CNTN2: variants seen among roughly 807,000 people sequenced by gnomAD.
CNTN2 encodes the protein contactin 2, also known as contactin-2.
CNTN2 carries 53 observed loss-of-function variants against 117.5 expected under a neutral mutation model. The observed-to-expected ratio is 0.45, with a 90% CI of 0.36 to 0.57. The LOEUF (loss-of-function observed/expected upper bound fraction) is 0.57. CNTN2 is among the 20% of genes least tolerant of loss of function. The pLI is 0.00. For missense variants in CNTN2, 1,106 were observed against 1,404.3 expected, an observed-to-expected ratio of 0.79 and a Z score of 3.39; for synonymous variants, 530 against 561.7, an observed-to-expected ratio of 0.94 and a Z score of 0.80.
At chr1:205,066,110 T>C (rs1654276667) in intron 14 of CNTN2, 5 of 709,648 alleles carry the variant, frequency 7.0e-6, no homozygotes, top group Middle Eastern at 5.1e-4. Flanking sequence ...AAGTCAAAGT[T>C]TAAAAAATCC....
In CNTN2 at chr1:205,065,863, G is replaced by A. The variant is rs773819306; in HGVS notation, c.1770G>A (p.Gln590=). ...RHGGKYTCMA[Q]TVVDSASKEA... ...GGGGGAAGTACACGTGCATGGCCCAGACGGTGGTGGACAGCGCGTCCAAGG... is the reference window on the plus strand; with the variant it reads ...GGGGGAAGTACACGTGCATGGCCCAAACGGTGGTGGACAGCGCGTCCAAGG... Residue 590 remains glutamine, a synonymous_variant, in exon 14 of 23, where the codon CAG becomes CAA. Coordinates refer to ENST00000331830, the MANE Select transcript of CNTN2 (RefSeq NM_005076.5). This position sits in a 1 kb window ranked among gnomAD's most constrained non-coding sequence, Gnocchi z 4.1. 1 of 1,614,086 alleles carries A rather than the reference G, an allele frequency of 6.2e-7. No individual in the cohort carries two copies. The highest frequency in any genetic ancestry group is 8.5e-7 in the Non-Finnish European group (1 of 1,180,004).
intron 1 of CNTN2, among the ~76,000 whole-genome samples, chr1:205,045,659 G>A (rs2096440307): frequency 6.6e-6 from 1 of 151,992 alleles, no homozygotes; most frequent in Admixed American, 6.5e-5. Flanking sequence ...TTTTTGGAGG[G>A]ATTCCTAGGG....
chr1:205,073,232 T>C lies in CNTN2; in HGVS notation c.3009T>C (p.Asn1003=), dbSNP rs757390584. The stretch of plus-strand genomic sequence containing the variant: ...CTGCAGAAGTCCACATCGTGAGGAA[T>C]GGAGGTGCTGCTCCTCCCCTACCCT... The part of the protein sequence containing the change: ...GIPAEVHIVR[N]GGTSMMVENM... The change falls in exon 22 of 23, where the codon AAT becomes AAC. Residue 1003 remains asparagine (N), a synonymous_variant. Transcript: ENST00000331830. The surrounding 1 kb of genome is among the most constrained non-coding windows in gnomAD (Gnocchi z 6.3). 8.1e-6 allele frequency: 13 copies of C among 1,613,810 alleles called. No individual in the cohort carries two copies. The highest frequency in any genetic ancestry group is 5.0e-5 in the Admixed American group (3 of 60,010).
Position 205,073,743 on chromosome 1 carries a change from T to C in CNTN2, c.3101T>C (p.Leu1034Pro). 6.2e-7 allele frequency: 1 copy of C among 1,613,906 alleles called. No homozygotes were observed. Among genetic ancestry groups the C allele is most frequent in the Non-Finnish European group, 8.5e-7 (1 of 1,179,994 alleles). ...TCCCACTCCGTGGCGATGCTGATCC[T>C]CATAGGCTCCCTGGAGCTCTGATCC... ...VISHSVAMLI[L>P]IGSLEL The change falls in exon 23 of 23, where the codon CTC (leucine) becomes CCC (proline). Residue 1034 changes from leucine (L) to proline (P), a missense_variant. By Grantham distance (98) the Leu-to-Pro change is moderately conservative (BLOSUM62 -3). Coordinates refer to ENST00000331830, the MANE Select transcript of CNTN2 (RefSeq NM_005076.5). The surrounding 1 kb of genome is among the most constrained non-coding windows in gnomAD (Gnocchi z 6.3).
rs748124415 is a variant in CNTN2 at position 205,072,032 on chromosome 1, G to A, written c.2630G>A (p.Gly877Asp). Residue 877 changes from glycine (G) to aspartate (D), a missense_variant, in exon 20 of 23, where the codon GGC becomes GAC. Physicochemically the swap from Gly to Asp is moderately conservative, Grantham distance 94 (BLOSUM62 -1). Transcript: ENST00000331830. ...CTGGACACCAGTGCCCGAGTCAGCG[G>A]CCTGCATCCCAACACCAAGTACCAT... is the stretch of plus-strand genomic sequence containing the variant. ...AGLDTSARVSGLHPNTKYHVT... is the reference protein window; with the variant it reads ...AGLDTSARVSDLHPNTKYHVT... The A allele has an allele frequency of 1.2e-6, 2 of 1,614,040 alleles. No homozygotes were observed. Among genetic ancestry groups the A allele is most frequent in the South Asian group, 1.1e-5 (1 of 91,082 alleles).
intron 18 of CNTN2, 119 bp from the exon 19 acceptor site, chr1:205,070,307 G>A (rs770107864): frequency 7.1e-5 from 53 of 751,456 alleles, no homozygotes; most frequent in Admixed American, 1.6e-4. Flanking sequence ...GCTCCCACTC[G>A]GCCTTCATCC....
At position 205,058,881 on chromosome 1, in the gene CNTN2, G is replaced by T; in HGVS notation, c.488-203G>T. The T allele has an allele frequency of 1.5e-6, 1 of 671,774 alleles. No individual in the cohort carries two copies. The highest frequency in any genetic ancestry group is 2.5e-6 in the Non-Finnish European group (1 of 398,842). 41.6% of individuals were successfully genotyped at this position (671,774 alleles called of 1,614,324 possible). On this transcript the variant is annotated intron_variant, in intron 5 of 22. Transcript: ENST00000331830. This position sits in a 1 kb window ranked among gnomAD's most constrained non-coding sequence, Gnocchi z 4.3. ...CCTTCAAACTGGGTGGCCCCTGAGG[G>T]CTGCGATCCCTGGCAGACTTAGCGC...
At chr1:205,057,831 A>C in intron 2 of CNTN2, 90 bp from the exon 3 acceptor site, 5 of 1,467,846 alleles carry the variant, frequency 3.4e-6, no homozygotes, top group South Asian at 1.3e-5. Flanking sequence ...TCCCATCATC[A>C]GAGAAAGTTT....
intron 14 of CNTN2, 157 bp downstream of exon 14, chr1:205,066,066 A>G: frequency 3.4e-6 from 3 of 874,892 alleles, no homozygotes; most frequent in Non-Finnish European, 5.2e-6. Flanking sequence ...GTGGTTCTTC[A>G]CAGGTCCTAA....
chr1:205,059,526 C>T lies in CNTN2; in HGVS notation c.698-57C>T, dbSNP rs931213337. On this transcript the variant is annotated intron_variant, in intron 6 of 22. Transcript: ENST00000331830. The surrounding 1 kb of genome is among the most constrained non-coding windows in gnomAD (Gnocchi z 5.6). The stretch of plus-strand genomic sequence containing the variant: ...CTGAAAGGTGCTGAGATCCCATGCA[C>T]GGGAGCACCTGACCTGGAGTCATCT... 21 of 1,513,376 alleles carry T rather than the reference C, an allele frequency of 1.4e-5. No individual in the cohort carries two copies. Among genetic ancestry groups the T allele is most frequent in the Middle Eastern group, 3.4e-4 (2 of 5,876 alleles). 93.7% of individuals were successfully genotyped at this position (1,513,376 alleles called of 1,614,324 possible). A position where few individuals can be genotyped will look rare whatever the true frequency, so the allele number is the denominator to read the frequency against.
At chr1:205,063,133 G>C (rs1231401768) in intron 10 of CNTN2, 1 of 152,218 alleles carries the variant, frequency 6.6e-6, no homozygotes, top group Non-Finnish European at 1.5e-5. Flanking sequence ...CACCACATCA[G>C]GTTTTAGTGA....
Position 205,059,159 on chromosome 1 carries a change from C to T in CNTN2, c.563C>T (p.Thr188Ile). ...GACGGGCGTCACTTCGTGTCCCAGA[C>T]CACAGGGAACCTGTACATTGCCCGA... ...PTDGRHFVSQ[T>I]TGNLYIARTN... Residue 188 changes from threonine (T) to isoleucine (I), a missense_variant, in exon 6 of 23, where the codon ACC becomes ATC. Transcript: ENST00000331830. This position sits in a 1 kb window ranked among gnomAD's most constrained non-coding sequence, Gnocchi z 5.6. 5 of 1,614,204 alleles carry T rather than the reference C, an allele frequency of 3.1e-6. No individual in the cohort carries two copies. The highest frequency in any genetic ancestry group is 4.2e-6 in the Non-Finnish European group (5 of 1,180,034).
chr1:205,050,775 T>C (rs1452027722), intron 1 of CNTN2, among the ~76,000 whole-genome samples: 1 of 152,172 alleles, frequency 6.6e-6, no homozygotes, highest in African/African-American at 2.4e-5. Context: ...CCTGCCACCA[T>C]GCCCAGCAAA....
rs201673719 is a variant in CNTN2 at position 205,065,289 on chromosome 1, G to T, written c.1695+27G>T. 404 of 1,612,556 alleles carry T rather than the reference G, an allele frequency of 2.5e-4. 4 individuals carry two copies. Among genetic ancestry groups the T allele is most frequent in the Non-Finnish European group, 4.5e-5 (53 of 1,179,112 alleles). Reference sequence around the variant, plus strand: ...TGAGACCTAGGGCCAGAGCCCCATGGCTTCTCCCTCCTTCTAGAGAGACAG... The same window carrying T: ...TGAGACCTAGGGCCAGAGCCCCATGTCTTCTCCCTCCTTCTAGAGAGACAG... On this transcript the variant is annotated intron_variant, in intron 13 of 22. Transcript: ENST00000331830. The surrounding 1 kb of genome is among the most constrained non-coding windows in gnomAD (Gnocchi z 4.1).
Position 205,061,735 on chromosome 1 carries a change from T to G in CNTN2, c.974-130T>G. On this transcript the variant is annotated intron_variant, in intron 8 of 22. Coordinates refer to ENST00000331830, the MANE Select transcript of CNTN2 (RefSeq NM_005076.5). This position sits in a 1 kb window ranked among gnomAD's most constrained non-coding sequence, Gnocchi z 4.8. ...TTCCGGCCCCCTCCTCTTTGTCCTCTCCATCTCAGAATGCTCATGGCGCCC... is the reference window on the plus strand; with the variant it reads ...TTCCGGCCCCCTCCTCTTTGTCCTCGCCATCTCAGAATGCTCATGGCGCCC... 8.2e-7 allele frequency: 1 copy of G among 1,224,338 alleles called. No individual in the cohort carries two copies. The highest frequency in any genetic ancestry group is 1.6e-5 in the South Asian group (1 of 62,774). 75.8% of individuals were successfully genotyped at this position (1,224,338 alleles called of 1,614,324 possible).
chr1:205,072,443 G>A (rs1293391875), intron 20 of CNTN2, 40 bp from the exon 21 acceptor site: 1 of 1,566,304 alleles, frequency 6.4e-7, no homozygotes. Context: ...GGGTGCCAGG[G>A]AAACGTTTGG....
Position 205,061,140 on chromosome 1 carries a change from C to A in CNTN2, c.798-105C>A. 1 of 1,276,194 alleles carries A rather than the reference C, an allele frequency of 7.8e-7. No homozygotes were observed. The allele number at this position is 1,276,194 out of a possible 1,614,324, so 79.1% of individuals were successfully genotyped here. On this transcript the variant is annotated intron_variant, in intron 7 of 22. Coordinates refer to ENST00000331830, the MANE Select transcript of CNTN2 (RefSeq NM_005076.5). The surrounding 1 kb of genome is among the most constrained non-coding windows in gnomAD (Gnocchi z 4.8). Reference sequence around the variant, plus strand: ...CCTCTCTCCCTCTGTTCCTCCCAGGCCCAGCATCTCAGGAGGGCCTGAGAG... The same window carrying A: ...CCTCTCTCCCTCTGTTCCTCCCAGGACCAGCATCTCAGGAGGGCCTGAGAG...
At position 205,076,041 on chromosome 1, in the gene CNTN2, G is replaced by C. The variant is rs1443868619; in HGVS notation, c.*2276G>C. On this transcript the variant is annotated 3_prime_UTR_variant, in exon 23 of 23. Transcript: ENST00000331830. ...GCATAGGACCTAACCAGTGAAGCTA[G>C]AGGCTACAGCCACTAAACTTGCTTC... is the stretch of plus-strand genomic sequence containing the variant. 1 of 152,202 alleles carries C rather than the reference G, an allele frequency of 6.6e-6. No individual in the cohort carries two copies. Among genetic ancestry groups the C allele is most frequent in the Non-Finnish European group, 1.5e-5 (1 of 68,050 alleles). The allele number at this position is 152,202 out of a possible 1,614,324, so 9.4% of individuals were successfully genotyped here.
At chr1:205,062,319 A>G in intron 9 of CNTN2, 121 bp from the exon 10 acceptor site, 3 of 1,348,960 alleles carry the variant, frequency 2.2e-6, no homozygotes, top group Non-Finnish European at 3.0e-6. Flanking sequence ...GACTGGACAT[A>G]TAAGCCATAT....
Sources: gnomAD v4.1 joint callset for allele counts (sites outside exome capture counted in the v4.1 genomes callset) on GRCh38, gnomAD v4.1.1 for gene constraint, Gnocchi (gnomAD v3.1) non-coding constraint, MANE v1.5 for transcripts, NCBI Gene and HGNC (gene_info 2026-07-23, HGNC 2026-07-21) for gene names.